ADCY8: variants seen among roughly 807,000 people sequenced by gnomAD.
The protein encoded by ADCY8 is adenylate cyclase 8.
In ADCY8, 51 loss-of-function variants were observed where a neutral mutation model predicts 119.7. The ratio of observed to expected loss-of-function variants is 0.43; its 90% confidence interval spans 0.34 to 0.54. The LOEUF (loss-of-function observed/expected upper bound fraction) is 0.54. ADCY8 is among the 20% of genes least tolerant of loss of function. The probability of loss-of-function intolerance (pLI) is 0.03; values close to 1 mark genes in which losing one functional copy is unlikely to be tolerated. For synonymous variants in ADCY8, 665 were observed against 651.0 expected (o/e 1.02, Z -0.33); for missense variants, 1,383 against 1,598.8 (o/e 0.87, Z 2.30).
intron 14 of ADCY8, among the ~76,000 whole-genome samples, chr8:130,809,358 C>A (rs576998359): frequency 7.9e-5 from 12 of 152,298 alleles, no homozygotes; most frequent in African/African-American, 2.6e-4. Flanking sequence ...TTCCTACCTC[C>A]TATTACACAT....
At chr8:130,988,647 G>C (rs1822478862) in intron 2 of ADCY8, among the ~76,000 whole-genome samples, 1 of 152,058 alleles carries the variant, frequency 6.6e-6, no homozygotes, top group South Asian at 2.1e-4. Context: ...CTAAATTCTA[G>C]TTGTCACTTT....
chr8:130,823,684 A>G (rs1816587716), intron 12 of ADCY8, among the ~76,000 whole-genome samples: 1 of 152,214 alleles, frequency 6.6e-6, no homozygotes, highest in African/African-American at 2.4e-5. Flanking sequence ...TATTCATTAC[A>G]GAAATATTTA....
At chr8:130,976,879 GGAGCTCAT>G (rs1397334629) in intron 2 of ADCY8, among the ~76,000 whole-genome samples, 4 of 152,094 alleles carry the variant, frequency 2.6e-5, no homozygotes, top group African/African-American at 9.7e-5. Flanking sequence ...ACCTTTACAT[GGAGCTCAT>G]TTTATATCAA....
At position 130,951,947 on chromosome 8, in the gene ADCY8, T is replaced by C. The variant is rs759991650; in HGVS notation, c.1162A>G (p.Asn388Asp). ...LPRFVVLEMINDMTNVEDEHL... is the reference protein window; with the variant it reads ...LPRFVVLEMIDDMTNVEDEHL... The stretch of plus-strand genomic sequence containing the variant: ...TCATCTTCCACATTGGTCATGTCGT[T>C]GATCATTTCCAGGACAACAAACCGG... Residue 388 changes from asparagine (N) to aspartate (D), a missense_variant, in exon 3 of 18, where the codon AAC becomes GAC. By Grantham distance (23) the Asn-to-Asp change is conservative. This residue lies in a region of ADCY8 where 928 missense variants were observed against 1,163.5 expected (regional missense o/e 0.80). Transcript: ENST00000286355. The C allele has an allele frequency of 6.2e-7, 1 of 1,613,908 alleles. No individual in the cohort carries two copies. Among genetic ancestry groups the C allele is most frequent in the South Asian group, 1.1e-5 (1 of 91,080 alleles).
intron 1 of ADCY8, among the ~76,000 whole-genome samples, chr8:131,035,514 T>C (rs1824126140): frequency 6.6e-6 from 1 of 152,196 alleles, no homozygotes; most frequent in African/African-American, 2.4e-5. Flanking sequence ...TTCCATTTTG[T>C]ATCCACAGTG....
chr8:130,978,108 CTATAATGAAATATTAAT>C (rs1388265483), intron 2 of ADCY8, among the ~76,000 whole-genome samples: 1 of 152,094 alleles, frequency 6.6e-6, no homozygotes, highest in Non-Finnish European at 1.5e-5. Context: ...CTGAAAATGA[CTATAATGAAATATTAAT>C]TACATTACCA....
intron 9 of ADCY8, among the ~76,000 whole-genome samples, 195 bp from the exon 10 acceptor site, chr8:130,849,998 A>C (rs1817465918): frequency 6.6e-6 from 1 of 152,182 alleles, no homozygotes; most frequent in Non-Finnish European, 1.5e-5. Context: ...TCTATTGAGA[A>C]ACTTTGCAAA....
rs1440552601 is a variant in ADCY8 at position 130,780,572 on chromosome 8, G to A, written c.3574C>T (p.Leu1192=). ...ACAAGTCCCAGGACAACCGCGGCCA[G>A]GGAGTACTGCCCAGGCAGTCTTCTT... ...PPRRLPGQYS[L]AAVVLGLVQS... Residue 1192 remains leucine (L), a synonymous_variant, in exon 18 of 18, where the codon CTG becomes TTG. Coordinates refer to ENST00000286355, the MANE Select transcript of ADCY8 (RefSeq NM_001115.3). The A allele has an allele frequency of 1.2e-6, 2 of 1,614,198 alleles. No homozygotes were observed. The highest frequency in any genetic ancestry group is 1.7e-6 in the Non-Finnish European group (2 of 1,180,042).
At chr8:130,978,953 C>A (rs550472690) in intron 2 of ADCY8, among the ~76,000 whole-genome samples, 1 of 152,062 alleles carries the variant, frequency 6.6e-6, no homozygotes, top group Non-Finnish European at 1.5e-5. Flanking sequence ...ATCAAACAAG[C>A]GTACTAGATG....
intron 7 of ADCY8, among the ~76,000 whole-genome samples, chr8:130,900,387 G>A (rs1819558562): frequency 6.6e-6 from 1 of 152,162 alleles, no homozygotes; most frequent in Non-Finnish European, 1.5e-5. Flanking sequence ...TGGGTAGAGG[G>A]AAGGGAACAG....
Position 130,955,365 on chromosome 8 carries a change from C to CAAGGTTATACAGCAAAGATAGA in ADCY8, c.1111-3368_1111-3367insTCTATCTTTGCTGTATAACCTT, listed in dbSNP as rs1245670403. Among the ~76,000 whole-genome samples the CAAGGTTATACAGCAAAGATAGA allele has an allele frequency of 1.1e-4, 17 of 152,172 alleles. No individual in the cohort carries two copies. The East Asian group carries it at 2.9e-3, about 26-fold the overall frequency. ...CTCAAGGTTATACAGCAAAGAAGGG[C>CAAGGTTATACAGCAAAGATAGA]CAGTATCTAGTCTATCAGACCCCAG... is the stretch of plus-strand genomic sequence containing the variant. On this transcript the variant is annotated intron_variant, in intron 2 of 17. Transcript: ENST00000286355.
At chr8:130,861,822 A>T (rs2130368251) in intron 9 of ADCY8, among the ~76,000 whole-genome samples, 1 of 150,280 alleles carries the variant, frequency 6.7e-6, no homozygotes, top group South Asian at 2.1e-4. Context: ...TTTTTGGGAG[A>T]TATTCTTTAT....
chr8:130,969,870 TGAG>T lies in ADCY8; in HGVS notation c.1111-17875_1111-17873del, dbSNP rs556247154. Among the ~76,000 whole-genome samples the T allele has an allele frequency of 2.9e-3, 447 of 152,302 alleles. 4 individuals carry two copies. The highest frequency in any genetic ancestry group is 0.01 in the African/African-American group (427 of 41,570). On this transcript the variant is annotated intron_variant, in intron 2 of 17. Transcript: ENST00000286355. ...GACTTGCCTAAGATCACACAACAAGTGAGTAGTGGGACCAGGATTTTATTAGGG... is the reference window on the plus strand; with the variant it reads ...GACTTGCCTAAGATCACACAACAAGTTAGTGGGACCAGGATTTTATTAGGG...
At chr8:130,839,697 C>T (rs1713601028) in intron 11 of ADCY8, among the ~76,000 whole-genome samples, 1 of 140,312 alleles carries the variant, frequency 7.1e-6, no homozygotes, top group African/African-American at 2.4e-5. Context: ...TATATTACTC[C>T]AGGAACTTAG....
chr8:130,910,295 C>T (rs1171698301), intron 5 of ADCY8, among the ~76,000 whole-genome samples: 2 of 152,168 alleles, frequency 1.3e-5, no homozygotes, highest in African/African-American at 4.8e-5. Flanking sequence ...TAGGGAATGG[C>T]ACCAGCATCT....
chr8:130,805,938 G>C (rs1054860809), intron 14 of ADCY8, among the ~76,000 whole-genome samples: 1 of 152,182 alleles, frequency 6.6e-6, no homozygotes, highest in South Asian at 2.1e-4. Flanking sequence ...TTTAGCACCC[G>C]GGCCCCACAA....
chr8:130,909,333 G>A (rs1819899496), intron 6 of ADCY8, among the ~76,000 whole-genome samples: 1 of 152,130 alleles, frequency 6.6e-6, no homozygotes, highest in Non-Finnish European at 1.5e-5. Context: ...CTTAATCCTG[G>A]CTGCCCATTA....
At chr8:130,944,606 A>G (rs539357597) in intron 3 of ADCY8, among the ~76,000 whole-genome samples, 1 of 152,328 alleles carries the variant, frequency 6.6e-6, no homozygotes, top group East Asian at 1.9e-4. Context: ...TCTCCTTTAC[A>G]AACCCTTTTA....
intron 14 of ADCY8, among the ~76,000 whole-genome samples, chr8:130,800,934 G>A (rs1411227833): frequency 6.6e-6 from 1 of 152,062 alleles, no homozygotes; most frequent in Non-Finnish European, 1.5e-5. Flanking sequence ...AAATCTTTGG[G>A]GCCTTTTAAA....
Sources: allele counts gnomAD v4.1 joint callset (sites outside exome capture counted in the v4.1 genomes callset), GRCh38; gene constraint gnomAD v4.1.1; regional missense constraint gnomAD v4.1.1; transcripts MANE v1.5; gene names NCBI Gene and HGNC (gene_info 2026-07-23, HGNC 2026-07-21).